The following NDFIP1 variants were observed in gnomAD, a reference collection of about 807,000 sequenced individuals.
NDFIP1 encodes Nedd4 family interacting protein 1.
A neutral mutation model predicts 28.8 loss-of-function variants in NDFIP1; 7 were observed. The observed-to-expected ratio is 0.24, with a 90% confidence interval of 0.14 to 0.46. The LOEUF is 0.46. Among genes scored for constraint, NDFIP1 ranks in the 20% least tolerant of loss-of-function variants. The pLI, the probability that NDFIP1 is intolerant of heterozygous loss-of-function variation, is 0.99. For missense variants in NDFIP1, 194 were observed against 269.1 expected (o/e 0.72, Z 1.95); for synonymous variants, 92 against 101.0 (o/e 0.91, Z 0.53).
At chr5:142,138,795 G>T (rs1344184339) in intron 5 of NDFIP1, among the ~76,000 whole-genome samples, 1 of 149,618 alleles carries the variant, frequency 6.7e-6, no homozygotes, top group Non-Finnish European at 1.5e-5. Context: ...TATTAACAAA[G>T]AAAATACTAT....
intron 1 of NDFIP1, among the ~76,000 whole-genome samples, chr5:142,112,621 C>G (rs1047124054): frequency 6.7e-6 from 1 of 149,998 alleles, no homozygotes; most frequent in African/African-American, 2.5e-5. Flanking sequence ...GAAACCCCAT[C>G]TCTACTAAAA....
At chr5:142,129,362 G>A (rs150459697) in intron 1 of NDFIP1, among the ~76,000 whole-genome samples, 195 of 152,244 alleles carry the variant, frequency 1.3e-3, no homozygotes, top group African/African-American at 4.1e-3. Flanking sequence ...TGTCCCAGGA[G>A]CATTTGGCTT....
At chr5:142,115,896 G>T (rs1466316118) in intron 1 of NDFIP1, among the ~76,000 whole-genome samples, 2 of 152,048 alleles carry the variant, frequency 1.3e-5, no homozygotes, top group Non-Finnish European at 2.9e-5. Context: ...AAATAATAGT[G>T]CAAGTAAAAT....
intron 4 of NDFIP1, 95 bp downstream of exon 4, chr5:142,135,912 A>T: frequency 1.2e-6 from 1 of 833,514 alleles, no homozygotes; most frequent in Non-Finnish European, 2.0e-6. Context: ...AGTTGAGCTA[A>T]TATATTAATA....
intron 1 of NDFIP1, among the ~76,000 whole-genome samples, chr5:142,126,598 G>GT (rs1339636973): frequency 6.6e-6 from 1 of 152,124 alleles, no homozygotes; most frequent in Non-Finnish European, 1.5e-5. Flanking sequence ...TATGGGTTTT[G>GT]TTTAGTGTAG....
intron 4 of NDFIP1, among the ~76,000 whole-genome samples, 182 bp downstream of exon 4, chr5:142,135,999 C>T (rs7733850): frequency 0.67 from 102,221 of 152,062 alleles, 34,672 homozygotes; most frequent in African/African-American, 0.77. Context: ...CTTCTCTTTG[C>T]CTTCTATTTT....
chr5:142,110,327 C>A (rs1757001041), intron 1 of NDFIP1, among the ~76,000 whole-genome samples: 1 of 152,182 alleles, frequency 6.6e-6, no homozygotes, highest in African/African-American at 2.4e-5. Flanking sequence ...GGGTTCCTTA[C>A]TGCTTTAATA....
Sources: allele counts gnomAD v4.1 joint callset (sites outside exome capture counted in the v4.1 genomes callset), GRCh38; gene constraint gnomAD v4.1.1; transcripts MANE v1.5; gene names NCBI Gene and HGNC (gene_info 2026-07-23, HGNC 2026-07-21).